EIF4G3: variants seen among roughly 807,000 people sequenced by gnomAD.
The protein encoded by EIF4G3 is eukaryotic translation initiation factor 4 gamma 3, also known as eIF-4-gamma 3.
EIF4G3 carries 34 observed loss-of-function variants against 186.4 expected under a neutral mutation model. The ratio of observed to expected loss-of-function variants is 0.18; its 90% CI spans 0.14 to 0.24. The LOEUF is 0.24. Ranked by LOEUF, EIF4G3 falls within the 10% of genes least tolerant of loss-of-function variation. The pLI is 1.00. For missense variants in EIF4G3, 1,536 were observed against 1,948.5 expected (o/e 0.79, Z 3.99); for synonymous variants, 673 against 679.5 (o/e 0.99, Z 0.15).
At chr1:20,849,553 AAAG>A (rs2072564053) in intron 28 of EIF4G3, 23 bp from the exon 29 acceptor site, 1 of 1,228,020 alleles carries the variant, frequency 8.1e-7, no homozygotes. Flanking sequence ...CCCCCCAAAA[AAAG>A]TAAAAATAAT....
intron 13 of EIF4G3, among the ~76,000 whole-genome samples, chr1:20,945,753 T>C (rs571806739): frequency 1.4e-4 from 22 of 152,298 alleles, no homozygotes; most frequent in African/African-American, 4.8e-4. Context: ...CCAAAGTGCT[T>C]AGATTACAGG....
chr1:20,976,000 T>G (rs2076779948), intron 10 of EIF4G3, among the ~76,000 whole-genome samples: 1 of 151,608 alleles, frequency 6.6e-6, no homozygotes, highest in Non-Finnish European at 1.5e-5. Flanking sequence ...AGCCCTTTAC[T>G]GAAAAAAAAA....
At chr1:21,100,255 G>A (rs555375069) in intron 2 of EIF4G3, among the ~76,000 whole-genome samples, 1 of 152,060 alleles carries the variant, frequency 6.6e-6, no homozygotes, top group Non-Finnish European at 1.5e-5. Flanking sequence ...GTTTCTTTTT[G>A]AGATAAACCA....
chr1:21,098,362 TG>T (rs1357208458), intron 2 of EIF4G3, among the ~76,000 whole-genome samples: 1 of 151,338 alleles, frequency 6.6e-6, no homozygotes, highest in Non-Finnish European at 1.5e-5. Context: ...GGCAAGATGG[TG>T]AAACTGCATC....
intron 3 of EIF4G3, among the ~76,000 whole-genome samples, chr1:21,086,329 A>G (rs2095979178): frequency 6.6e-6 from 1 of 150,732 alleles, no homozygotes; most frequent in East Asian, 2.0e-4. Context: ...CCTCCAAAGT[A>G]CATGGGACTA....
At chr1:21,062,746 C>G (rs753560186) in intron 3 of EIF4G3, among the ~76,000 whole-genome samples, 1 of 152,236 alleles carries the variant, frequency 6.6e-6, no homozygotes, top group African/African-American at 2.4e-5. Context: ...CGTGCCACCA[C>G]GCCTGGCTAA....
In EIF4G3 at chr1:20,960,797, G is replaced by A. The variant is rs145955618; in HGVS notation, c.714+8677C>T. Among the ~76,000 whole-genome samples, 3 of 152,180 alleles carry A rather than the reference G, an allele frequency of 2.0e-5. No individual in the cohort carries two copies. The East Asian group carries it at 5.8e-4, about 29-fold the overall frequency. On this transcript the variant is annotated intron_variant, in intron 12 of 36. Transcript: ENST00000602326. ...AACAGAAAATTTAACAATTCCGTATGACAGAAGGCACGATTAACAAAGCTA... is the reference window on the plus strand; with the variant it reads ...AACAGAAAATTTAACAATTCCGTATAACAGAAGGCACGATTAACAAAGCTA...
intron 22 of EIF4G3, among the ~76,000 whole-genome samples, chr1:20,862,761 T>C (rs1042305084): frequency 9.2e-5 from 14 of 152,156 alleles, no homozygotes; most frequent in African/African-American, 3.4e-4. Flanking sequence ...AGCCAAAATA[T>C]AATGTGGTAG....
chr1:20,816,152 C>T (rs2060751017), intron 34 of EIF4G3, among the ~76,000 whole-genome samples: 1 of 125,186 alleles, frequency 8.0e-6, no homozygotes, highest in African/African-American at 3.1e-5. Flanking sequence ...GTGAGGGGCG[C>T]CTCTGCCCGG....
chr1:20,930,321 T>C (rs1420921614), intron 14 of EIF4G3, among the ~76,000 whole-genome samples: 1 of 152,234 alleles, frequency 6.6e-6, no homozygotes, highest in Non-Finnish European at 1.5e-5. Context: ...CTCTGTATCA[T>C]GTGATACTAT....
chr1:20,859,416 T>A (rs1352385295), intron 24 of EIF4G3, among the ~76,000 whole-genome samples: 1 of 152,224 alleles, frequency 6.6e-6, no homozygotes, highest in African/African-American at 2.4e-5. Flanking sequence ...AACTTCACTA[T>A]GAGCTCTACT....
intron 27 of EIF4G3, 78 bp from the exon 28 acceptor site, chr1:20,851,556 A>T (rs2073281784): frequency 1.5e-6 from 2 of 1,359,708 alleles, no homozygotes; most frequent in African/African-American, 1.4e-5. Context: ...AAATAACACT[A>T]AGACTTTCTG....
chr1:20,946,201 A>G (rs144261470), intron 13 of EIF4G3, among the ~76,000 whole-genome samples: 92 of 152,298 alleles, frequency 6.0e-4, no homozygotes, highest in Admixed American at 2.6e-3. Context: ...CAAATGAACA[A>G]CACTGCTATG....
chr1:21,078,422 T>A (rs2095656060), intron 3 of EIF4G3, among the ~76,000 whole-genome samples: 2 of 152,018 alleles, frequency 1.3e-5, no homozygotes, highest in South Asian at 4.2e-4. Context: ...AGGTACAGAG[T>A]AGAATGATGG....
chr1:21,052,652 T>C (rs374704016), intron 3 of EIF4G3, among the ~76,000 whole-genome samples: 1 of 152,078 alleles, frequency 6.6e-6, no homozygotes, highest in Non-Finnish European at 1.5e-5. Context: ...ACTGTACTGC[T>C]GCCATCTCGG....
chr1:20,860,874 G>A (rs1375707376), intron 23 of EIF4G3, among the ~76,000 whole-genome samples: 2 of 152,094 alleles, frequency 1.3e-5, no homozygotes, highest in Non-Finnish European at 2.9e-5. Context: ...TTGAAAGGAG[G>A]AGAGAAAAAT....
intron 3 of EIF4G3, among the ~76,000 whole-genome samples, chr1:21,085,126 C>G (rs1053891522): frequency 6.6e-6 from 1 of 150,736 alleles, no homozygotes; most frequent in African/African-American, 2.4e-5. Context: ...AGCATAGGGT[C>G]TAAAAAAAAG....
chr1:21,107,554 G>A (rs2096639447), intron 2 of EIF4G3, among the ~76,000 whole-genome samples: 1 of 152,184 alleles, frequency 6.6e-6, no homozygotes, highest in African/African-American at 2.4e-5. Context: ...TGAGGTTCCA[G>A]AGCAGGGGTC....
chr1:20,882,214 C>CACACACAA (rs903651739), intron 19 of EIF4G3, among the ~76,000 whole-genome samples: 3 of 60,254 alleles, frequency 5.0e-5, no homozygotes, highest in East Asian at 6.9e-4. Context: ...CACACACACA[C>CACACACAA]AAAATCATTT....
Sources: gnomAD v4.1 joint callset for allele counts (sites outside exome capture counted in the v4.1 genomes callset) on GRCh38, gnomAD v4.1.1 for gene constraint, MANE v1.5 for transcripts, NCBI Gene and HGNC (gene_info 2026-07-23, HGNC 2026-07-21) for gene names.